The following SLC24A2 variants were observed in gnomAD, a reference collection of about 807,000 sequenced individuals.
SLC24A2 encodes the protein solute carrier family 24 member 2, also known as sodium/potassium/calcium exchanger 2.
In SLC24A2, 36 loss-of-function variants were observed where a neutral mutation model predicts 62.0. The observed-to-expected ratio is 0.58, with a 90% CI of 0.44 to 0.77. The LOEUF (loss-of-function observed/expected upper bound fraction) is 0.77. SLC24A2 is among the 30% of genes least tolerant of loss of function. The pLI is 0.00. For synonymous variants in SLC24A2, 358 were observed against 294.0 expected, an observed-to-expected ratio of 1.22 and a Z score of -2.23; for missense variants, 846 against 817.9, an observed-to-expected ratio of 1.03 and a Z score of -0.42.
At chr9:20,034,350 T>C in the SLC24A2 span, among the ~76,000 whole-genome samples, 1 of 152,170 alleles carries the variant, frequency 6.6e-6, no homozygotes, top group African/African-American at 2.4e-5. Flanking sequence ...CTCTCTGTGG[T>C]ACTGCATTAC....
the SLC24A2 span, among the ~76,000 whole-genome samples, chr9:20,198,743 T>A: frequency 6.7e-6 from 1 of 149,870 alleles, no homozygotes; most frequent in Non-Finnish European, 1.5e-5. Context: ...AATACCTAGA[T>A]ACTTAGTAGC....
chr9:19,603,450 GA>G (rs1200337641), intron 4 of SLC24A2, among the ~76,000 whole-genome samples: 1 of 152,018 alleles, frequency 6.6e-6, no homozygotes, highest in South Asian at 2.1e-4. Flanking sequence ...TTCTTTCATA[GA>G]AACAGGAGCT....
chr9:19,947,809 AAAGAAAGAAAG>A, the SLC24A2 span, among the ~76,000 whole-genome samples: 27 of 83,798 alleles, frequency 3.2e-4, no homozygotes, highest in Middle Eastern at 6.8e-3. Context: ...AAAAAAAAAA[AAAGAAAGAAAG>A]AAAGAAAGAA....
At chr9:19,775,118 G>A (rs2118906686) in intron 2 of SLC24A2, among the ~76,000 whole-genome samples, 1 of 152,266 alleles carries the variant, frequency 6.6e-6, no homozygotes, top group Non-Finnish European at 1.5e-5. Flanking sequence ...CTTTAAAACT[G>A]TGAACACTAC....
At chr9:20,272,590 C>T in the SLC24A2 span, among the ~76,000 whole-genome samples, 1 of 152,134 alleles carries the variant, frequency 6.6e-6, no homozygotes, top group Admixed American at 6.5e-5. Context: ...AACTGAGAAA[C>T]TAAAACTCCA....
chr9:20,109,431 A>T, the SLC24A2 span, among the ~76,000 whole-genome samples: 1 of 152,170 alleles, frequency 6.6e-6, no homozygotes, highest in Non-Finnish European at 1.5e-5. Context: ...TTGTGCCTAA[A>T]CTGCAAATGG....
At chr9:20,119,366 G>T in the SLC24A2 span, among the ~76,000 whole-genome samples, 1 of 151,934 alleles carries the variant, frequency 6.6e-6, no homozygotes, top group East Asian at 1.9e-4. Flanking sequence ...TATAAAATTT[G>T]AGTAAAAATA....
intron 8 of SLC24A2, among the ~76,000 whole-genome samples, chr9:19,529,525 G>A (rs1586898241): frequency 6.6e-6 from 1 of 152,078 alleles, no homozygotes; most frequent in Non-Finnish European, 1.5e-5. Flanking sequence ...TTGTTAGCTT[G>A]GATGACTGTA....
the SLC24A2 span, among the ~76,000 whole-genome samples, chr9:19,910,831 C>T: frequency 2.6e-5 from 4 of 151,750 alleles, no homozygotes; most frequent in African/African-American, 4.8e-5. Context: ...TCCATAGTAG[C>T]TTTTACGTTA....
At chr9:19,904,053 C>T in the SLC24A2 span, among the ~76,000 whole-genome samples, 1 of 152,316 alleles carries the variant, frequency 6.6e-6, no homozygotes, top group Admixed American at 6.5e-5. Context: ...CAGTGGTCAG[C>T]AGCCTAGAAG....
At chr9:20,103,315 A>G in the SLC24A2 span, among the ~76,000 whole-genome samples, 27 of 152,268 alleles carry the variant, frequency 1.8e-4, no homozygotes, top group Middle Eastern at 3.4e-3. Context: ...CAGACTTAAA[A>G]GTCCCTGTCT....
At chr9:19,836,290 C>G in the SLC24A2 span, among the ~76,000 whole-genome samples, 1 of 152,042 alleles carries the variant, frequency 6.6e-6, no homozygotes, top group East Asian at 1.9e-4. Flanking sequence ...AATCCAGGAG[C>G]TGGTTTTTTG....
chr9:19,745,990 C>G (rs1159373264), intron 2 of SLC24A2, among the ~76,000 whole-genome samples: 1 of 151,954 alleles, frequency 6.6e-6, no homozygotes, highest in African/African-American at 2.4e-5. Context: ...GAGTCTAATA[C>G]ATTAGTTGAA....
At chr9:20,009,192 C>T in the SLC24A2 span, among the ~76,000 whole-genome samples, 1 of 152,074 alleles carries the variant, frequency 6.6e-6, no homozygotes, top group South Asian at 2.1e-4. Context: ...ACTCCAGTCT[C>T]ATCCTATGGG....
intron 2 of SLC24A2, among the ~76,000 whole-genome samples, chr9:19,714,175 A>C (rs1347462060): frequency 6.6e-6 from 1 of 152,238 alleles, no homozygotes; most frequent in African/African-American, 2.4e-5. Context: ...AATAATAGAA[A>C]ATCTGGAACT....
chr9:20,080,900 G>C, the SLC24A2 span, among the ~76,000 whole-genome samples: 3 of 152,150 alleles, frequency 2.0e-5, no homozygotes, highest in Non-Finnish European at 2.9e-5. Flanking sequence ...CTGGCCATCA[G>C]AGAAATGCAA....
chr9:19,965,041 C>A, the SLC24A2 span, among the ~76,000 whole-genome samples: 23 of 152,066 alleles, frequency 1.5e-4, no homozygotes, highest in African/African-American at 5.5e-4. Context: ...GTAACCAGCT[C>A]CCACGATCGT....
At chr9:20,138,319 C>G in the SLC24A2 span, among the ~76,000 whole-genome samples, 1 of 152,058 alleles carries the variant, frequency 6.6e-6, no homozygotes, top group South Asian at 2.1e-4. Context: ...GTAATTTAAT[C>G]CATATGTTGC....
chr9:19,591,945 T>TAACA (rs954827918), intron 5 of SLC24A2, among the ~76,000 whole-genome samples: 1 of 152,248 alleles, frequency 6.6e-6, no homozygotes, highest in African/African-American at 2.4e-5. Flanking sequence ...AGGTCACAGA[T>TAACA]AACAAGAAGG....
Sources: gnomAD v4.1 joint callset for allele counts (sites outside exome capture counted in the v4.1 genomes callset) on GRCh38, gnomAD v4.1.1 for gene constraint, MANE v1.5 for transcripts, NCBI Gene and HGNC (gene_info 2026-07-23, HGNC 2026-07-21) for gene names.